The following PRRX1 variants were observed in gnomAD, a reference collection of about 807,000 sequenced individuals.
PRRX1 encodes the protein paired related homeobox 1.
PRRX1 carries 8 observed loss-of-function variants against 24.0 expected under a neutral mutation model. The ratio of observed to expected loss-of-function variants is 0.33; its 90% CI spans 0.20 to 0.60. PRRX1 has a LOEUF of 0.60. Ranked by LOEUF, PRRX1 falls within the 20% of genes least tolerant of loss-of-function variation. The pLI is 0.82. For missense variants in PRRX1, 281 were observed against 322.4 expected, an observed-to-expected ratio of 0.87 and a Z score of 0.98; for synonymous variants, 160 against 131.7, an observed-to-expected ratio of 1.22 and a Z score of -1.47.
At chr1:170,695,715 T>C (rs149745973) in intron 1 of PRRX1, among the ~76,000 whole-genome samples, 1 of 152,316 alleles carries the variant, frequency 6.6e-6, no homozygotes, top group African/African-American at 2.4e-5. Flanking sequence ...AAAGAGTCCC[T>C]GAGTGCCTGC....
intron 1 of PRRX1, among the ~76,000 whole-genome samples, chr1:170,681,061 T>C (rs1401520178): frequency 6.6e-6 from 1 of 152,180 alleles, no homozygotes; most frequent in Non-Finnish European, 1.5e-5. Context: ...ACTTGTGCCT[T>C]TGGGTCTCTT....
intron 1 of PRRX1, among the ~76,000 whole-genome samples, chr1:170,691,969 T>C (rs1406413981): frequency 6.6e-6 from 1 of 152,090 alleles, no homozygotes; most frequent in African/African-American, 2.4e-5. Context: ...GCACAGTTAT[T>C]GTGTGCTTGG....
chr1:170,706,261 T>C (rs2101908020), intron 1 of PRRX1, among the ~76,000 whole-genome samples: 1 of 152,346 alleles, frequency 6.6e-6, no homozygotes, highest in East Asian at 1.9e-4. Flanking sequence ...CAGTGTCTAG[T>C]TAATCCATTG....
intron 1 of PRRX1, among the ~76,000 whole-genome samples, chr1:170,673,133 G>A (rs1653199165): frequency 6.6e-6 from 1 of 152,086 alleles, no homozygotes; most frequent in African/African-American, 2.4e-5. Context: ...TTTGGGGACT[G>A]GATATCATTC....
At chr1:170,713,162 T>G (rs1000317808) in intron 1 of PRRX1, among the ~76,000 whole-genome samples, 4 of 152,226 alleles carry the variant, frequency 2.6e-5, no homozygotes, top group Non-Finnish European at 5.9e-5. Context: ...TGTCTGATTA[T>G]TCACTTACTG....
intron 1 of PRRX1, among the ~76,000 whole-genome samples, chr1:170,688,601 C>A (rs1030339404): frequency 1.3e-5 from 2 of 152,000 alleles, no homozygotes; most frequent in African/African-American, 4.8e-5. Flanking sequence ...AATAAACCTC[C>A]TATAGTCTGC....
intron 1 of PRRX1, among the ~76,000 whole-genome samples, chr1:170,713,153 G>A (rs1558057787): frequency 6.6e-6 from 1 of 152,144 alleles, no homozygotes; most frequent in African/African-American, 2.4e-5. Flanking sequence ...AGTATTTCAT[G>A]TCTGATTATT....
At chr1:170,664,084 C>CCACCCTCTCTCTCTCTCTCTCT, upstream of PRRX1, 1 of 710,836 alleles carries the variant, frequency 1.4e-6, no homozygotes, top group Non-Finnish European at 2.0e-6. Context: ...CCTCCCTCTT[C>CCACCCTCTCTCTCTCTCTCTCT]CTCCCTCTCT....
intron 1 of PRRX1, among the ~76,000 whole-genome samples, chr1:170,712,026 C>A (rs866811970): frequency 6.6e-6 from 1 of 152,162 alleles, no homozygotes; most frequent in Non-Finnish European, 1.5e-5. Context: ...AATTAGTTAA[C>A]CAAAAGCAAA....
At chr1:170,729,870 G>T (rs373617312) in intron 3 of PRRX1, among the ~76,000 whole-genome samples, 1 of 152,136 alleles carries the variant, frequency 6.6e-6, no homozygotes, top group Admixed American at 6.5e-5. Flanking sequence ...TTTTTCTTAG[G>T]CAACTTGTAA....
intron 3 of PRRX1, among the ~76,000 whole-genome samples, chr1:170,732,856 G>A (rs1445026628): frequency 2.0e-5 from 3 of 152,088 alleles, no homozygotes; most frequent in Non-Finnish European, 4.4e-5. Flanking sequence ...ACAACTACTT[G>A]TTAATCCACT....
intron 1 of PRRX1, among the ~76,000 whole-genome samples, chr1:170,678,974 G>C (rs180702625): frequency 1.1e-4 from 17 of 152,104 alleles, no homozygotes; most frequent in African/African-American, 4.1e-4. Flanking sequence ...AAATATCCCA[G>C]ATGATTTTTA....
At chr1:170,715,095 G>A (rs115084412) in intron 1 of PRRX1, among the ~76,000 whole-genome samples, 1 of 151,964 alleles carries the variant, frequency 6.6e-6, no homozygotes, top group Non-Finnish European at 1.5e-5. Context: ...AGACCACAAG[G>A]CTTTTTCCCT....
intron 1 of PRRX1, among the ~76,000 whole-genome samples, chr1:170,681,170 A>C (rs1426673054): frequency 2.0e-5 from 3 of 152,122 alleles, no homozygotes; most frequent in Admixed American, 6.5e-5. Context: ...ATGTTGTTTA[A>C]ATTTTCACAA....
At chr1:170,709,037 T>TA (rs1654660559) in intron 1 of PRRX1, among the ~76,000 whole-genome samples, 1 of 152,218 alleles carries the variant, frequency 6.6e-6, no homozygotes, top group Non-Finnish European at 1.5e-5. Context: ...TATGGAAGAC[T>TA]AATGTCAGGT....
At chr1:170,670,667 C>T (rs1047522727) in intron 1 of PRRX1, among the ~76,000 whole-genome samples, 2 of 152,068 alleles carry the variant, frequency 1.3e-5, no homozygotes, top group Non-Finnish European at 2.9e-5. Context: ...CCATATTTCA[C>T]TTGCCTTGGG....
At chr1:170,730,423 T>A in intron 3 of PRRX1, 1 of 1,298,330 alleles carries the variant, frequency 7.7e-7, no homozygotes, top group African/African-American at 1.5e-5. Context: ...TTTAAGAAAG[T>A]GGGGGTTGCA....
intron 1 of PRRX1, among the ~76,000 whole-genome samples, chr1:170,705,965 C>A (rs1393865236): frequency 6.9e-6 from 1 of 145,792 alleles, no homozygotes; most frequent in East Asian, 2.0e-4. Flanking sequence ...CACACACACA[C>A]ACAAACATTT....
chr1:170,725,952 G>T (rs1478745676), intron 2 of PRRX1, among the ~76,000 whole-genome samples: 1 of 152,090 alleles, frequency 6.6e-6, no homozygotes, highest in Non-Finnish European at 1.5e-5. Flanking sequence ...CTGTCCCGTG[G>T]GTAAGTCACA....
Sources: gnomAD v4.1 joint callset for allele counts (sites outside exome capture counted in the v4.1 genomes callset) on GRCh38, gnomAD v4.1.1 for gene constraint, MANE v1.5 for transcripts, NCBI Gene and HGNC (gene_info 2026-07-23, HGNC 2026-07-21) for gene names.